Variants in KCNMA1 observed in about 807,000 individuals in gnomAD.
KCNMA1 encodes the protein Calcium-activated potassium channel subunit alpha-1.
A neutral mutation model predicts 140.0 loss-of-function variants in KCNMA1; 29 were observed. The ratio of observed to expected loss-of-function variants is 0.21; its 90% confidence interval spans 0.15 to 0.28. KCNMA1 has a LOEUF of 0.28. Among genes scored for constraint, KCNMA1 ranks in the 10% least tolerant of loss-of-function variants. The pLI, the probability that KCNMA1 is intolerant of heterozygous loss-of-function variation, is 1.00. For missense variants in KCNMA1, 880 were observed against 1,602.2 expected, an observed-to-expected ratio of 0.55 and a Z score of 7.70; for synonymous variants, 612 against 611.9, an observed-to-expected ratio of 1.00 and a Z score of 0.00.
intron 1 of KCNMA1, among the ~76,000 whole-genome samples, chr10:77,482,031 C>T (rs930285601): frequency 7.2e-5 from 11 of 152,320 alleles, no homozygotes; most frequent in South Asian, 4.1e-4. Flanking sequence ...CTTCAGCTAA[C>T]GTGCCAAGCA....
At chr10:76,984,176 ACT>A (rs1348969893) in intron 19 of KCNMA1, among the ~76,000 whole-genome samples, 1 of 148,478 alleles carries the variant, frequency 6.7e-6, no homozygotes, top group Non-Finnish European at 1.5e-5. Flanking sequence ...TTCTAAAGCA[ACT>A]CTTTTATTAG....
chr10:77,470,208 C>T (rs917276660), intron 1 of KCNMA1, among the ~76,000 whole-genome samples: 1 of 152,152 alleles, frequency 6.6e-6, no homozygotes, highest in African/African-American at 2.4e-5. Flanking sequence ...ATTCTCAGTT[C>T]CCTATGCCAA....
intron 1 of KCNMA1, among the ~76,000 whole-genome samples, chr10:77,503,820 T>C (rs867337202): frequency 6.6e-6 from 1 of 152,180 alleles, no homozygotes; most frequent in Non-Finnish European, 1.5e-5. Context: ...TGCTGCGGGA[T>C]TTTTCAGTGC....
At chr10:77,190,819 G>T (rs1457283783) in intron 3 of KCNMA1, among the ~76,000 whole-genome samples, 2 of 152,074 alleles carry the variant, frequency 1.3e-5, no homozygotes, top group Non-Finnish European at 1.5e-5. Context: ...AAGTTCTTCT[G>T]CTTATAGAGG....
intron 2 of KCNMA1, among the ~76,000 whole-genome samples, chr10:77,284,605 C>T (rs1409976915): frequency 6.6e-6 from 1 of 152,016 alleles, no homozygotes; most frequent in Non-Finnish European, 1.5e-5. Context: ...CCTCCACCTC[C>T]CAGGTTCAAG....
intron 1 of KCNMA1, among the ~76,000 whole-genome samples, chr10:77,437,669 A>C (rs1233611851): frequency 6.6e-6 from 1 of 152,158 alleles, no homozygotes; most frequent in Non-Finnish European, 1.5e-5. Context: ...AAGCTTCTGA[A>C]TTTCACAGAG....
intron 1 of KCNMA1, among the ~76,000 whole-genome samples, chr10:77,471,766 T>C (rs371973046): frequency 1.3e-5 from 2 of 148,850 alleles, no homozygotes; most frequent in African/African-American, 5.0e-5. Flanking sequence ...ACCATCCACG[T>C]ACATACCACA....
Position 77,037,552 on chromosome 10 carries a change from G to A in KCNMA1, c.1859+1976C>T, listed in dbSNP as rs537839917. ...TAAGAGGAACGGACTCAGTTCCCAA[G>A]AGCAGAGTAAGAGAAGGGTGGAAAA... On this transcript the variant is annotated intron_variant, in intron 15 of 27. Transcript: ENST00000286628. 3.9e-5 allele frequency among the ~76,000 whole-genome samples: 6 copies of A among 152,234 alleles called. No individual in the cohort carries two copies. In the South Asian group the frequency reaches 1.2e-3, roughly 32 times the overall value.
chr10:77,259,715 T>A (rs999489448), intron 2 of KCNMA1, among the ~76,000 whole-genome samples: 9 of 152,316 alleles, frequency 5.9e-5, no homozygotes, highest in Middle Eastern at 3.4e-3. Context: ...GGGATGCCCA[T>A]CCTTCAGAAA....
chr10:77,311,695 A>T (rs624713), intron 2 of KCNMA1, among the ~76,000 whole-genome samples: 147 of 152,274 alleles, frequency 9.7e-4, no homozygotes, highest in Non-Finnish European at 1.9e-3. Context: ...CCAGAATCCA[A>T]TGATTTGTCT....
intron 1 of KCNMA1, among the ~76,000 whole-genome samples, chr10:77,527,234 T>C (rs2056097323): frequency 6.6e-6 from 1 of 152,234 alleles, no homozygotes. Flanking sequence ...CAGGACGAAC[T>C]GGCTTGGGGC....
intron 23 of KCNMA1, among the ~76,000 whole-genome samples, chr10:76,940,435 A>C (rs1451155826): frequency 6.6e-6 from 1 of 152,222 alleles, no homozygotes; most frequent in Non-Finnish European, 1.5e-5. Context: ...CACATTTTTC[A>C]TGCTAAATTA....
rs763848235 is a variant in KCNMA1 at position 76,949,189 on chromosome 10, G to A, written c.2662C>T (p.Arg888Trp). The A allele has an allele frequency of 1.9e-6, 3 of 1,614,006 alleles. No individual in the cohort carries two copies. The highest frequency in any genetic ancestry group is 1.3e-5 in the African/African-American group (1 of 74,912). ...VFVGSIEYLKREWETLHNFPK... is the reference protein window; with the variant it reads ...VFVGSIEYLKWEWETLHNFPK... ...AAGTTATGAAGCGTCTCCCATTCCCGCTTGAGGTACTCAATAGAGCCCACA... is the reference window on the plus strand; with the variant it reads ...AAGTTATGAAGCGTCTCCCATTCCCACTTGAGGTACTCAATAGAGCCCACA... The change falls in exon 22 of 28, where the codon CGG becomes TGG. Residue 888 changes from arginine to tryptophan, a missense_variant. Arg to Trp is a moderately radical substitution (Grantham distance 101). This residue lies in a region of KCNMA1 where 82 missense variants were observed against 170.1 expected (regional missense o/e 0.48). Coordinates refer to ENST00000286628, the MANE Select transcript of KCNMA1 (RefSeq NM_001161352.2).
chr10:77,358,934 C>A (rs1372202602), intron 2 of KCNMA1, among the ~76,000 whole-genome samples: 1 of 152,200 alleles, frequency 6.6e-6, no homozygotes, highest in Non-Finnish European at 1.5e-5. Flanking sequence ...CTCGGTCAAA[C>A]CTTCACTCTC....
exon 28 of KCNMA1, chr10:76,870,833 T>A (rs1181170948): frequency 6.6e-6 from 1 of 152,270 alleles, no homozygotes; most frequent in East Asian, 1.9e-4. Context: ...ACTCTGGGAA[T>A]ATGGACAAAT....
chr10:77,552,770 C>T (rs564998404), intron 1 of KCNMA1, among the ~76,000 whole-genome samples: 10 of 152,188 alleles, frequency 6.6e-5, no homozygotes, highest in Non-Finnish European at 1.3e-4. Flanking sequence ...AAAGGTTAGC[C>T]AGGCGCAGTG....
intron 2 of KCNMA1, among the ~76,000 whole-genome samples, chr10:77,295,787 CAAAAAAAAAAAAAAAA>C (rs36034012): frequency 2.3e-5 from 1 of 43,260 alleles, no homozygotes; most frequent in Non-Finnish European, 4.0e-5. Context: ...GACTCCGTCT[CAAAAAAAAAAAAAAAA>C]AAAAAAAAAA....
At chr10:76,996,922 T>G (rs2084557981) in intron 19 of KCNMA1, among the ~76,000 whole-genome samples, 1 of 152,206 alleles carries the variant, frequency 6.6e-6, no homozygotes, top group South Asian at 2.1e-4. Flanking sequence ...TTTTTAAATG[T>G]AGCTTATTAA....
chr10:77,102,333 A>T (rs931130534), intron 9 of KCNMA1, among the ~76,000 whole-genome samples: 3 of 152,338 alleles, frequency 2.0e-5, no homozygotes, highest in South Asian at 4.1e-4. Context: ...GAGGAAATGG[A>T]GTGGAATTCC....
Sources: gnomAD v4.1 joint callset for allele counts (sites outside exome capture counted in the v4.1 genomes callset) on GRCh38, gnomAD v4.1.1 for gene constraint, gnomAD v4.1.1 regional missense constraint, MANE v1.5 for transcripts, NCBI Gene and HGNC (gene_info 2026-07-23, HGNC 2026-07-21) for gene names.